The following PPP2R5C variants were observed in gnomAD, a reference collection of about 807,000 sequenced individuals.
PPP2R5C encodes the protein serine/threonine-protein phosphatase 2A 56 kDa regulatory subunit gamma isoform.
PPP2R5C carries 7 observed loss-of-function variants against 68.9 expected under a neutral mutation model. That is an observed-to-expected ratio of 0.10 (90% CI 0.06 to 0.19). PPP2R5C has a LOEUF of 0.19. Ranked by LOEUF, PPP2R5C falls within the 10% of genes least tolerant of loss-of-function variation. The pLI, the probability that PPP2R5C is intolerant of heterozygous loss-of-function variation, is 1.00. For missense variants in PPP2R5C, 348 were observed against 641.3 expected (o/e 0.54, Z 4.94); for synonymous variants, 210 against 222.2 (o/e 0.95, Z 0.49).
intron 8 of PPP2R5C, among the ~76,000 whole-genome samples, chr14:101,901,153 G>A (rs1485312014): frequency 1.3e-5 from 2 of 152,168 alleles, no homozygotes; most frequent in Non-Finnish European, 1.5e-5. Context: ...GTGTACACGT[G>A]GCCCACAGTT....
At chr14:101,766,520 A>G (rs1207216628) in intron 2 of PPP2R5C, 3 of 152,248 alleles carry the variant, frequency 2.0e-5, no homozygotes, top group African/African-American at 7.2e-5. Flanking sequence ...ACAAAGTTCT[A>G]TTAAAGGTCA....
chr14:101,906,770 T>C lies in PPP2R5C; in HGVS notation c.1151+241T>C. On this transcript the variant is annotated intron_variant, in intron 10 of 13. Transcript: ENST00000334743. This position sits in a 1 kb window ranked among gnomAD's most constrained non-coding sequence, Gnocchi z 4.0. ...ACATTGGTTTGCAGCCACCTCCCAGTAGCAGCAGTTTCTAGGCCTCTTCCT... is the reference window on the plus strand; with the variant it reads ...ACATTGGTTTGCAGCCACCTCCCAGCAGCAGCAGTTTCTAGGCCTCTTCCT... 2.2e-6 allele frequency: 1 copy of C among 451,936 alleles called. No homozygotes were observed. The highest frequency in any genetic ancestry group is 3.0e-5 in the South Asian group (1 of 33,612). The allele number at this position is 451,936 out of a possible 1,614,324, so 28.0% of individuals were successfully genotyped here. A position where few individuals can be genotyped will look rare whatever the true frequency, so the allele number is the denominator to read the frequency against.
upstream of PPP2R5C, among the ~76,000 whole-genome samples, chr14:101,808,923 C>T (rs2140176514): frequency 6.6e-6 from 1 of 152,282 alleles, no homozygotes. Flanking sequence ...AATACTCCAT[C>T]CAATTCAGAA....
At chr14:101,787,424 G>C (rs2038147003) in intron 3 of PPP2R5C, among the ~76,000 whole-genome samples, 1 of 151,770 alleles carries the variant, frequency 6.6e-6, no homozygotes, top group Admixed American at 6.6e-5. Context: ...GGATGGGTGG[G>C]TGGATTTACG....
intron 2 of PPP2R5C, among the ~76,000 whole-genome samples, chr14:101,783,912 GCACC>G (rs1693631486): frequency 6.6e-6 from 1 of 152,230 alleles, no homozygotes; most frequent in African/African-American, 2.4e-5. Flanking sequence ...AATGCCAGGG[GCACC>G]CAGAGAAGGC....
chr14:101,907,256 G>A (rs1016382374), intron 10 of PPP2R5C, among the ~76,000 whole-genome samples: 1 of 151,786 alleles, frequency 6.6e-6, no homozygotes, highest in African/African-American at 2.4e-5. Flanking sequence ...CTTCAGCCTC[G>A]ACCTCCTGGG....
At chr14:101,814,633 T>A (rs1353642376) in intron 1 of PPP2R5C, among the ~76,000 whole-genome samples, 1 of 152,188 alleles carries the variant, frequency 6.6e-6, no homozygotes, top group African/African-American at 2.4e-5. Flanking sequence ...CTTCTAAAAT[T>A]TTCTCATTAA....
chr14:101,762,153 C>T (rs1039471424), intron 1 of PPP2R5C, among the ~76,000 whole-genome samples: 4 of 151,574 alleles, frequency 2.6e-5, no homozygotes, highest in African/African-American at 9.7e-5. Flanking sequence ...CAGGCCCGGG[C>T]CGCTGGGACC....
At position 101,842,266 on chromosome 14, in the gene PPP2R5C, G is replaced by A. The variant is rs1595348553; in HGVS notation, c.95-14420G>A. Among the ~76,000 whole-genome samples the A allele has an allele frequency of 2.0e-5, 3 of 152,152 alleles. No homozygotes were observed. The East Asian group carries it at 5.8e-4, about 29-fold the overall frequency. Reference sequence around the variant, plus strand: ...GCCATATTACAGTCGTGTTACTTAGGGAGTGTGATATGATGGGCCCTTTGA... The same window carrying A: ...GCCATATTACAGTCGTGTTACTTAGAGAGTGTGATATGATGGGCCCTTTGA... On this transcript the variant is annotated intron_variant, in intron 1 of 13. Transcript: ENST00000334743.
exon 9 of PPP2R5C, chr14:101,901,817 A>T (rs770812715): frequency 6.2e-7 from 1 of 1,614,220 alleles, no homozygotes; most frequent in East Asian, 2.2e-5. Context: ...TCATTGAACC[A>T]TCAGAATTTG....
chr14:101,841,445 G>A (rs570302529), intron 1 of PPP2R5C, among the ~76,000 whole-genome samples: 10 of 152,300 alleles, frequency 6.6e-5, no homozygotes, highest in African/African-American at 2.4e-4. Flanking sequence ...AGCCTGTGGA[G>A]GTTTCCCCAA....
intron 8 of PPP2R5C, among the ~76,000 whole-genome samples, chr14:101,898,067 G>A (rs2045461311): frequency 6.6e-6 from 1 of 152,142 alleles, no homozygotes; most frequent in Non-Finnish European, 1.5e-5. Context: ...GGCCGAGGTG[G>A]AAGAGTTGTT....
At chr14:101,775,841 C>T (rs2037389449) in intron 2 of PPP2R5C, among the ~76,000 whole-genome samples, 1 of 152,252 alleles carries the variant, frequency 6.6e-6, no homozygotes, top group East Asian at 1.9e-4. Context: ...CCCCCACCAC[C>T]TCCTTCCCCC....
At position 101,917,483 on chromosome 14, in the gene PPP2R5C, A is replaced by C. The variant is rs764237814; in HGVS notation, c.1327-348A>C. ...GAGGTGAGGGTTCCAGTGGTGAGAC[A>C]GCTCCCACCACCGAGCCCAGGGTGC... On this transcript the variant is annotated intron_variant, in intron 12 of 13. Transcript: ENST00000334743. This position sits in a 1 kb window ranked among gnomAD's most constrained non-coding sequence, Gnocchi z 4.4. Among the ~76,000 whole-genome samples, 19 of 152,048 alleles carry C rather than the reference A, an allele frequency of 1.2e-4. No homozygotes were observed. The highest frequency in any genetic ancestry group is 2.5e-4 in the Non-Finnish European group (17 of 67,978).
In PPP2R5C at chr14:101,858,171, G is replaced by A. The variant is rs1315677493; in HGVS notation, c.294+1286G>A. Among the ~76,000 whole-genome samples, 4 of 152,094 alleles carry A rather than the reference G, an allele frequency of 2.6e-5. No individual in the cohort carries two copies. The East Asian group carries it at 5.8e-4, about 22-fold the overall frequency. ...GAATATATACCCTAAAACCTTACCT[G>A]TTCAGACTAATGACACTTGGGGAAT... On this transcript the variant is annotated intron_variant, in intron 2 of 13. Coordinates refer to ENST00000334743, the Ensembl canonical transcript of PPP2R5C.
At chr14:101,833,778 G>T (rs1595310177) in intron 1 of PPP2R5C, among the ~76,000 whole-genome samples, 1 of 152,120 alleles carries the variant, frequency 6.6e-6, no homozygotes, top group Non-Finnish European at 1.5e-5. Context: ...TCACTTCCCA[G>T]CTTTATTCAA....
chr14:101,803,964 A>C (rs1454680140), intron 3 of PPP2R5C, among the ~76,000 whole-genome samples: 4 of 152,212 alleles, frequency 2.6e-5, no homozygotes, highest in Non-Finnish European at 5.9e-5. Flanking sequence ...AAATACTTGC[A>C]AACTACTCAT....
At chr14:101,839,654 C>G (rs1233023603) in intron 1 of PPP2R5C, 1 of 152,210 alleles carries the variant, frequency 6.6e-6, no homozygotes, top group Non-Finnish European at 1.5e-5. Context: ...TAAATGTATT[C>G]CATCCTCCAT....
At chr14:101,841,412 C>T (rs146578946) in intron 1 of PPP2R5C, among the ~76,000 whole-genome samples, 406 of 152,280 alleles carry the variant, frequency 2.7e-3, no homozygotes, top group African/African-American at 9.2e-3. Context: ...GTACTGTGTA[C>T]AGAAAAGTAG....
Sources: gnomAD v4.1 joint callset for allele counts (sites outside exome capture counted in the v4.1 genomes callset) on GRCh38, gnomAD v4.1.1 for gene constraint, Gnocchi (gnomAD v3.1) non-coding constraint, MANE v1.5 for transcripts, NCBI Gene and HGNC (gene_info 2026-07-23, HGNC 2026-07-21) for gene names.